The following GOLGA4 variants were observed in gnomAD, a reference collection of about 807,000 sequenced individuals.
GOLGA4 encodes the protein golgin subfamily A member 4.
GOLGA4 carries 169 observed loss-of-function variants against 265.9 expected under a neutral mutation model. The observed-to-expected ratio is 0.64, with a 90% CI of 0.56 to 0.72. The LOEUF (loss-of-function observed/expected upper bound fraction) is 0.72. Among genes scored for constraint, GOLGA4 ranks in the 30% least tolerant of loss-of-function variants. The pLI is 0.00. For synonymous variants in GOLGA4, 923 were observed against 855.8 expected (o/e 1.08, Z -1.37); for missense variants, 2,482 against 2,483.4 (o/e 1.00, Z 0.01).
intron 12 of GOLGA4, 127 bp from the exon 13 acceptor site, chr3:37,321,604 A>G (rs1378253659): frequency 2.6e-6 from 2 of 771,598 alleles, no homozygotes; most frequent in Non-Finnish European, 4.2e-6. Context: ...GAGGAGAGAG[A>G]TGATGACGTT....
intron 2 of GOLGA4, among the ~76,000 whole-genome samples, chr3:37,252,795 G>T (rs2096737660): frequency 1.3e-5 from 2 of 151,994 alleles, no homozygotes; most frequent in African/African-American, 4.8e-5. Context: ...TAAGTCCCTT[G>T]CCCATTTTCT....
intron 9 of GOLGA4, among the ~76,000 whole-genome samples, chr3:37,299,577 A>G (rs879697348): frequency 4.6e-5 from 7 of 152,234 alleles, no homozygotes; most frequent in African/African-American, 1.4e-4. Context: ...TCTTGATCCC[A>G]GTCAGCATTA....
chr3:37,362,409 T>A (rs1284725411), intron 23 of GOLGA4, among the ~76,000 whole-genome samples: 1 of 151,158 alleles, frequency 6.6e-6, no homozygotes, highest in Non-Finnish European at 1.5e-5. Flanking sequence ...GCTAATTTTT[T>A]GTATTTTTTT....
intron 4 of GOLGA4, chr3:37,287,477 C>T (rs781239891): frequency 2.0e-5 from 3 of 152,236 alleles, no homozygotes; most frequent in Non-Finnish European, 2.9e-5. Context: ...ACACTCTTAC[C>T]TATGCTGCTT....
intron 2 of GOLGA4, among the ~76,000 whole-genome samples, chr3:37,277,016 G>A (rs2096821277): frequency 6.6e-6 from 1 of 151,984 alleles, no homozygotes; most frequent in Non-Finnish European, 1.5e-5. Flanking sequence ...AAATATTAAA[G>A]GAGGAGAAAA....
At chr3:37,345,603 A>G (rs1269398279) in intron 20 of GOLGA4, among the ~76,000 whole-genome samples, 1 of 152,224 alleles carries the variant, frequency 6.6e-6, no homozygotes, top group East Asian at 1.9e-4. Flanking sequence ...AATAAGAGCT[A>G]TAAAGTCTTC....
chr3:37,338,966 A>G (rs1158318766), intron 19 of GOLGA4, among the ~76,000 whole-genome samples: 1 of 147,242 alleles, frequency 6.8e-6, no homozygotes, highest in African/African-American at 2.5e-5. Flanking sequence ...GATTCACACC[A>G]TTCTCCTGCC....
chr3:37,297,415 C>A (rs1559396463), intron 7 of GOLGA4, among the ~76,000 whole-genome samples: 1 of 152,200 alleles, frequency 6.6e-6, no homozygotes, highest in East Asian at 1.9e-4. Context: ...GAACTCCTCT[C>A]AGAAAGAGAT....
intron 10 of GOLGA4, among the ~76,000 whole-genome samples, chr3:37,311,218 G>A (rs574892638): frequency 3.3e-5 from 5 of 152,114 alleles, no homozygotes; most frequent in Non-Finnish European, 7.4e-5. Flanking sequence ...GTGATACAGT[G>A]TAGAATCCAT....
At chr3:37,357,836 C>T (rs1340227475) in intron 22 of GOLGA4, among the ~76,000 whole-genome samples, 3 of 152,150 alleles carry the variant, frequency 2.0e-5, no homozygotes, top group Non-Finnish European at 4.4e-5. Context: ...ATAGAAAGTG[C>T]ACATGATGAA....
chr3:37,354,952 T>C (rs1440091749), intron 21 of GOLGA4, 149 bp from the exon 22 acceptor site: 4 of 540,784 alleles, frequency 7.4e-6, no homozygotes, highest in Admixed American at 3.3e-5. Context: ...GTGTTGTTAT[T>C]TCCTTGACTA....
chr3:37,286,347 G>A (rs539306456), intron 4 of GOLGA4, among the ~76,000 whole-genome samples: 2 of 150,504 alleles, frequency 1.3e-5, no homozygotes, highest in Admixed American at 1.3e-4. Context: ...TAGAGACGGG[G>A]TTTCACCTTG....
intron 10 of GOLGA4, among the ~76,000 whole-genome samples, chr3:37,314,660 C>G (rs2150925130): frequency 1.3e-5 from 2 of 151,390 alleles, no homozygotes; most frequent in South Asian, 4.2e-4. Flanking sequence ...CACACACACA[C>G]ACACACACAC....
In GOLGA4 at chr3:37,325,315, G is replaced by A; in HGVS notation, c.3429G>A (p.Leu1143=). The A allele has an allele frequency of 6.2e-7, 1 of 1,613,680 alleles. No individual in the cohort carries two copies. Among genetic ancestry groups the A allele is most frequent in the Non-Finnish European group, 8.5e-7 (1 of 1,179,714 alleles). The change falls in exon 14 of 24, where the codon TTG becomes TTA. Residue 1143 remains leucine (L), a synonymous_variant. Coordinates refer to ENST00000361924, the MANE Select transcript of GOLGA4 (RefSeq NM_002078.5). The part of the protein sequence containing the change: ...KAHLEKLEVD[L]NKSLKENTFL... ...ATCTTGAAAAGCTAGAGGTTGACTT[G>A]AATAAGTCTCTGAAGGAAAATACTT...
chr3:37,355,170 G>C lies in GOLGA4; in HGVS notation c.6646G>C (p.Glu2216Gln). The change falls in exon 22 of 24, where the codon GAA becomes CAA. Residue 2216 changes from glutamate (E) to glutamine (Q), a missense_variant. Glu to Gln is a conservative substitution (Grantham distance 29). Coordinates refer to ENST00000361924, the MANE Select transcript of GOLGA4 (RefSeq NM_002078.5). ...TCAGACTCAGAAAATTTTGGAAAGA[G>C]AAGATGCTCGGCTGATGGTAAGTTC... ...DDQTQKILER[E>Q]DARLMFTSPR... 1 of 1,590,776 alleles carries C rather than the reference G, an allele frequency of 6.3e-7. No individual in the cohort carries two copies. The highest frequency in any genetic ancestry group is 8.6e-7 in the Non-Finnish European group (1 of 1,159,056).
chr3:37,325,641 A>G lies in GOLGA4; in HGVS notation c.3755A>G (p.His1252Arg). Residue 1252 changes from histidine (H) to arginine (R), a missense_variant, in exon 14 of 24, where the codon CAT becomes CGT. Around this residue, in one of 3 missense-constraint regions of GOLGA4, gnomAD observed 1,536 missense variants for 1,483.7 expected, o/e 1.04. Transcript: ENST00000361924. ...AATGCCATTCTTTCTAGGATTTCTC[A>G]TTGTCAGCACCGTACAACTAAAGTT... is the stretch of plus-strand genomic sequence containing the variant. ...KTNAILSRIS[H>R]CQHRTTKVKE... is the part of the protein sequence containing the mutation. 1 of 1,613,940 alleles carries G rather than the reference A, an allele frequency of 6.2e-7. No individual in the cohort carries two copies. The highest frequency in any genetic ancestry group is 8.5e-7 in the Non-Finnish European group (1 of 1,179,838).
At chr3:37,340,013 C>T (rs527891802) in intron 19 of GOLGA4, 111 bp from the exon 20 acceptor site, 11 of 506,092 alleles carry the variant, frequency 2.2e-5, no homozygotes, top group East Asian at 1.4e-4. Flanking sequence ...ATTTTATTTG[C>T]CTATATTCTG....
At chr3:37,280,769 C>T (rs1172927132) in intron 2 of GOLGA4, among the ~76,000 whole-genome samples, 3 of 152,086 alleles carry the variant, frequency 2.0e-5, no homozygotes, top group African/African-American at 7.2e-5. Context: ...AATTTATAAA[C>T]TGTATCCTCT....
At chr3:37,351,672 A>G (rs2097074962) in intron 21 of GOLGA4, among the ~76,000 whole-genome samples, 1 of 152,162 alleles carries the variant, frequency 6.6e-6, no homozygotes. Flanking sequence ...TGCTATCTCC[A>G]TCAGAGTTTC....
Sources: gnomAD v4.1 joint callset for allele counts (sites outside exome capture counted in the v4.1 genomes callset) on GRCh38, gnomAD v4.1.1 for gene constraint, gnomAD v4.1.1 regional missense constraint, MANE v1.5 for transcripts, NCBI Gene and HGNC (gene_info 2026-07-23, HGNC 2026-07-21) for gene names.